IL4I1: variants seen among roughly 807,000 people sequenced by gnomAD.
IL4I1 encodes the protein L-amino-acid oxidase.
A neutral mutation model predicts 29.7 loss-of-function variants in IL4I1; 24 were observed. That is an observed-to-expected ratio of 0.81 (90% CI 0.59 to 1.14). The LOEUF (loss-of-function observed/expected upper bound fraction) is 1.14, where lower values mean the gene tolerates loss of function less well. IL4I1 is among the 50% of genes most tolerant of loss of function. The pLI, the probability that IL4I1 is intolerant of heterozygous loss-of-function variation, is 0.00. For missense variants in IL4I1, 686 were observed against 785.6 expected (o/e 0.87, Z 1.52); for synonymous variants, 371 against 352.5 (o/e 1.05, Z -0.59).
At chr19:49,899,645 C>T (rs962586500), upstream of IL4I1, among the ~76,000 whole-genome samples, 1 of 151,984 alleles carries the variant, frequency 6.6e-6, no homozygotes, top group African/African-American at 2.4e-5. Context: ...CAAGCTCCAC[C>T]TCCTGGGTTC....
intron 2 of IL4I1, among the ~76,000 whole-genome samples, chr19:49,911,527 A>G (rs775175262): frequency 2.0e-5 from 3 of 152,032 alleles, no homozygotes; most frequent in Non-Finnish European, 4.4e-5. Context: ...AGCTTGAGTA[A>G]GAGGCAACCT....
chr19:49,902,219 C>T (rs932192136), intron 3 of IL4I1, among the ~76,000 whole-genome samples: 2 of 152,130 alleles, frequency 1.3e-5, no homozygotes, highest in African/African-American at 4.8e-5. Context: ...GGGCTGGTCT[C>T]GAACTCCTGA....
upstream of IL4I1, among the ~76,000 whole-genome samples, chr19:49,899,465 G>C (rs560750362): frequency 9.2e-5 from 14 of 152,142 alleles, 1 homozygote; most frequent in South Asian, 2.9e-3. Context: ...GCTCACTGCA[G>C]CCTCAACCTC....
intron 3 of IL4I1, among the ~76,000 whole-genome samples, chr19:49,902,812 G>A (rs192234199): frequency 2.0e-5 from 3 of 148,660 alleles, no homozygotes; most frequent in Admixed American, 1.4e-4. Context: ...GCGACAGAGC[G>A]GGACTGCATC....
intron 2 of IL4I1, among the ~76,000 whole-genome samples, chr19:49,912,624 G>C (rs1398484339): frequency 1.3e-5 from 2 of 152,176 alleles, no homozygotes; most frequent in Non-Finnish European, 2.9e-5. Flanking sequence ...AGCACTTTGG[G>C]AGGCTGAGGT....
upstream of IL4I1, among the ~76,000 whole-genome samples, chr19:49,900,441 C>T (rs2075261530): frequency 2.0e-5 from 3 of 152,220 alleles, no homozygotes; most frequent in African/African-American, 7.2e-5. Flanking sequence ...GCGCGCACCA[C>T]CACGCTCAGC....
intron 3 of IL4I1, among the ~76,000 whole-genome samples, 159 bp downstream of exon 3, chr19:49,895,656 G>A (rs149682768): frequency 8.9e-4 from 135 of 152,250 alleles, no homozygotes; most frequent in South Asian, 2.5e-3. Context: ...TGACAGCAGG[G>A]GGCTTGGGCC....
At chr19:49,918,916 TGGGGGGGC>T (rs2075696331) in intron 2 of IL4I1, among the ~76,000 whole-genome samples, 1 of 25,194 alleles carries the variant, frequency 4.0e-5, no homozygotes, top group Admixed American at 4.3e-4. Flanking sequence ...GGGCGGGGTG[TGGGGGGGC>T]GGATCACCTG....
At chr19:49,912,227 T>C (rs2075485449) in intron 2 of IL4I1, among the ~76,000 whole-genome samples, 1 of 141,732 alleles carries the variant, frequency 7.1e-6, no homozygotes, top group Admixed American at 7.7e-5. Flanking sequence ...TGGAGTGGAA[T>C]GGCATGATCT....
chr19:49,911,420 C>T (rs1167051423), intron 2 of IL4I1: 1 of 152,226 alleles, frequency 6.6e-6, no homozygotes, highest in Non-Finnish European at 1.5e-5. Context: ...AGCCAAGTGC[C>T]TGACCCAGAG....
At chr19:49,916,757 C>T (rs1280283937) in intron 2 of IL4I1, among the ~76,000 whole-genome samples, 1 of 151,996 alleles carries the variant, frequency 6.6e-6, no homozygotes, top group Non-Finnish European at 1.5e-5. Context: ...GAGCGAGACT[C>T]CGTCTCAAAA....
Position 49,890,266 on chromosome 19 carries a change from C to T in IL4I1, c.1108G>A (p.Glu370Lys). 1.9e-6 allele frequency: 3 copies of T among 1,585,190 alleles called. No homozygotes were observed. Among genetic ancestry groups the T allele is most frequent in the Non-Finnish European group, 1.7e-6 (2 of 1,166,546 alleles). The change falls in exon 8 of 8, where the codon GAA (glutamate) becomes AAA (lysine). Residue 370 changes from glutamate (E) to lysine (K), a missense_variant. By Grantham distance (56) the Glu-to-Lys change is moderately conservative (BLOSUM62 1). Coordinates refer to ENST00000391826, the MANE Select transcript of IL4I1 (RefSeq NM_152899.2). Reference sequence around the variant, plus strand: ...CGATCGGTGTTTGAGTGGCCGCCTTCAATGTGCTCCTCGCGCCAGAAGGGC... The same window carrying T: ...CGATCGGTGTTTGAGTGGCCGCCTTTAATGTGCTCCTCGCGCCAGAAGGGC... ...RRPFWREEHI[E>K]GGHSNTDRPS...
intron 5 of IL4I1, among the ~76,000 whole-genome samples, chr19:49,893,985 CAAAA>C (rs996597872): frequency 1.5e-4 from 3 of 19,672 alleles, no homozygotes; most frequent in African/African-American, 2.0e-4. Context: ...GACTCCATCT[CAAAA>C]AAAAAAAAAA....
chr19:49,912,666 A>G (rs1260644455), intron 2 of IL4I1, among the ~76,000 whole-genome samples: 2 of 151,974 alleles, frequency 1.3e-5, no homozygotes, highest in African/African-American at 4.8e-5. Context: ...GAACTCGAGA[A>G]CAGCCTGGCC....
chr19:49,907,186 G>T, intron 2 of IL4I1: 1 of 181,744 alleles, frequency 5.5e-6, no homozygotes, highest in Non-Finnish European at 1.2e-5. Flanking sequence ...AGGCACAAAC[G>T]GCTAGCACAG....
At chr19:49,929,424 C>G (rs1180810155) in exon 1 of IL4I1, 1 of 152,772 alleles carries the variant, frequency 6.5e-6, no homozygotes, top group African/African-American at 2.4e-5. Flanking sequence ...TACCTCTTCT[C>G]CAACTGCCTT....
chr19:49,897,824 G>C (rs1287226139), upstream of IL4I1, among the ~76,000 whole-genome samples: 1 of 152,158 alleles, frequency 6.6e-6, no homozygotes, highest in African/African-American at 2.4e-5. Context: ...TCTGCAGCAA[G>C]GGTTGGGTGG....
At chr19:49,915,735 C>T (rs1022847094) in intron 2 of IL4I1, among the ~76,000 whole-genome samples, 5 of 152,158 alleles carry the variant, frequency 3.3e-5, no homozygotes, top group South Asian at 2.1e-4. Context: ...GAGACCAAGG[C>T]GGCTGGTACA....
At chr19:49,908,683 C>A (rs746120885) in intron 2 of IL4I1, 1 of 1,612,018 alleles carries the variant, frequency 6.2e-7, no homozygotes, top group Non-Finnish European at 8.5e-7. Context: ...CCTCGCGGTG[C>A]AGGCTGGTGA....
Sources: allele counts gnomAD v4.1 joint callset (sites outside exome capture counted in the v4.1 genomes callset), GRCh38; gene constraint gnomAD v4.1.1; transcripts MANE v1.5; gene names NCBI Gene and HGNC (gene_info 2026-07-23, HGNC 2026-07-21).